TTC29: variants seen among roughly 807,000 people sequenced by gnomAD.
The protein encoded by TTC29 is tetratricopeptide repeat domain 29.
In TTC29, 49 loss-of-function variants were observed where a neutral mutation model predicts 58.1. The observed-to-expected ratio is 0.84, with a 90% CI of 0.67 to 1.07. The LOEUF (loss-of-function observed/expected upper bound fraction) is 1.07, where lower values mean the gene tolerates loss of function less well. Among genes scored for constraint, TTC29 ranks in the 50% least tolerant of loss-of-function variants. The probability of loss-of-function intolerance (pLI) is 0.00; values close to 1 mark genes in which losing one functional copy is unlikely to be tolerated. For missense variants in TTC29, 582 were observed against 555.6 expected (o/e 1.05, Z -0.48); for synonymous variants, 209 against 196.8 (o/e 1.06, Z -0.52).
At chr4:146,778,183 G>GTAAC (rs139814394) in intron 11 of TTC29, among the ~76,000 whole-genome samples, 8,622 of 151,774 alleles carry the variant, frequency 0.057, 834 homozygotes, top group African/African-American at 0.2. Context: ...TCCTGTTATT[G>GTAAC]TAACTTCTTA....
chr4:146,728,816 T>TGTGTATATAC (rs1561066484), intron 11 of TTC29, among the ~76,000 whole-genome samples: 2 of 46,078 alleles, frequency 4.3e-5, no homozygotes, highest in Non-Finnish European at 1.4e-4. Flanking sequence ...CATATATATG[T>TGTGTATATAC]GTATATATAC....
intron 2 of TTC29, among the ~76,000 whole-genome samples, chr4:146,943,637 ATG>A (rs1421071699): frequency 6.6e-6 from 1 of 152,204 alleles, no homozygotes; most frequent in Non-Finnish European, 1.5e-5. Context: ...ACAACAGATA[ATG>A]TGTGATCTGA....
intron 6 of TTC29, among the ~76,000 whole-genome samples, chr4:146,880,201 G>C (rs564784094): frequency 6.6e-6 from 1 of 152,202 alleles, no homozygotes; most frequent in South Asian, 2.1e-4. Context: ...CACAGCTTAG[G>C]AGAACACTGT....
chr4:146,925,937 C>G (rs1475161334), intron 4 of TTC29, among the ~76,000 whole-genome samples: 1 of 152,096 alleles, frequency 6.6e-6, no homozygotes, highest in Non-Finnish European at 1.5e-5. Flanking sequence ...TACTGCATTG[C>G]TTCTGCTTCT....
chr4:146,923,237 T>C (rs1734709008), intron 4 of TTC29, among the ~76,000 whole-genome samples: 1 of 151,828 alleles, frequency 6.6e-6, no homozygotes, highest in South Asian at 2.1e-4. Flanking sequence ...ATAAAAATTC[T>C]TTAGCCAATT....
Position 146,790,524 on chromosome 4 carries a change from A to T in TTC29, c.1330+12933T>A, listed in dbSNP as rs536107957. Among the ~76,000 whole-genome samples, 1,248 of 145,978 alleles carry T rather than the reference A, an allele frequency of 8.5e-3. 12 individuals are homozygous for T. The highest frequency in any genetic ancestry group is 0.028 in the South Asian group (127 of 4,606). On this transcript the variant is annotated intron_variant, in intron 11 of 12. Coordinates refer to ENST00000325106, the MANE Select transcript of TTC29 (RefSeq NM_031956.4). ...CACTTTCTATTTTCATACCTGCTTT[A>T]TTTTTTTTTTTGTAGCACTTACCAC...
rs577604967 is a variant in TTC29 at position 146,728,656 on chromosome 4, C to A, written c.1331-21105G>T. Among the ~76,000 whole-genome samples, 527 of 148,284 alleles carry A rather than the reference C, an allele frequency of 3.6e-3. 6 individuals carry two copies. The highest frequency in any genetic ancestry group is 7.3e-3 in the African/African-American group (297 of 40,550). ...TACTTTTACTACTACTACTCTCTCT[C>A]TCTCTATATATATACACATATATGA... is the stretch of plus-strand genomic sequence containing the variant. On this transcript the variant is annotated intron_variant, in intron 11 of 12. Coordinates refer to ENST00000325106, the MANE Select transcript of TTC29 (RefSeq NM_031956.4).
chr4:146,777,390 T>C (rs1232655217), intron 11 of TTC29, among the ~76,000 whole-genome samples: 1 of 149,242 alleles, frequency 6.7e-6, no homozygotes, highest in Non-Finnish European at 1.5e-5. Flanking sequence ...TACGTTGACT[T>C]TTTTTTTTTA....
intron 11 of TTC29, among the ~76,000 whole-genome samples, chr4:146,745,002 T>C (rs542944521): frequency 9.2e-5 from 14 of 152,340 alleles, no homozygotes; most frequent in African/African-American, 3.4e-4. Flanking sequence ...TCATCATCAA[T>C]AGTCCACTTA....
intron 11 of TTC29, among the ~76,000 whole-genome samples, chr4:146,737,850 C>T (rs1012726072): frequency 2.6e-5 from 4 of 152,140 alleles, no homozygotes; most frequent in South Asian, 2.1e-4. Context: ...TTCCCTCCCC[C>T]CTGATGCAGT....
At chr4:146,870,529 G>C (rs1730862967) in intron 7 of TTC29, among the ~76,000 whole-genome samples, 1 of 151,698 alleles carries the variant, frequency 6.6e-6, no homozygotes, top group Non-Finnish European at 1.5e-5. Flanking sequence ...AAAAACCATA[G>C]TGAAAATCAA....
intron 2 of TTC29, among the ~76,000 whole-genome samples, chr4:146,942,273 CAAAGGGTCTACCCTTT>C (rs1736475302): frequency 6.6e-6 from 1 of 152,122 alleles, no homozygotes; most frequent in South Asian, 2.1e-4. Context: ...AATTGGAAAG[CAAAGGGTCTACCCTTT>C]AAAGGGTCTA....
chr4:146,916,665 G>A (rs963112712), intron 4 of TTC29, among the ~76,000 whole-genome samples: 3 of 151,274 alleles, frequency 2.0e-5, no homozygotes, highest in African/African-American at 4.8e-5. Flanking sequence ...GGTCTCTGGG[G>A]GCATCTACTG....
chr4:146,898,283 C>A (rs1477884965), intron 6 of TTC29, among the ~76,000 whole-genome samples: 1 of 152,166 alleles, frequency 6.6e-6, no homozygotes. Flanking sequence ...GGTCTGCCTT[C>A]CACTGCTGGG....
chr4:146,850,072 T>C (rs1052917133), intron 8 of TTC29, among the ~76,000 whole-genome samples: 7 of 152,216 alleles, frequency 4.6e-5, no homozygotes, highest in Admixed American at 2.6e-4. Context: ...CATTGTTAGT[T>C]TTCCCCAATG....
intron 5 of TTC29, among the ~76,000 whole-genome samples, chr4:146,906,099 G>A (rs1733504087): frequency 6.6e-6 from 1 of 151,716 alleles, no homozygotes; most frequent in Non-Finnish European, 1.5e-5. Context: ...AGCCCCATGG[G>A]GCATAAGGCT....
intron 8 of TTC29, among the ~76,000 whole-genome samples, chr4:146,858,095 A>G (rs756350611): frequency 2.6e-5 from 4 of 152,210 alleles, no homozygotes; most frequent in Non-Finnish European, 5.9e-5. Context: ...TGTAGTGATA[A>G]TGGTATCTTA....
chr4:146,736,473 C>G (rs1744716360), intron 11 of TTC29, among the ~76,000 whole-genome samples: 1 of 152,106 alleles, frequency 6.6e-6, no homozygotes, highest in African/African-American at 2.4e-5. Flanking sequence ...GTAAATCTGC[C>G]TTTCAAGCAA....
rs529523333 is a variant in TTC29 at position 146,928,837 on chromosome 4, C to T, written c.176+8757G>A. ...ACAGAGCACAACAGCCTTGAGTGAT[C>T]CTTTTAAAATAAAGTGATATCATAT... On this transcript the variant is annotated intron_variant, in intron 4 of 12. Transcript: ENST00000325106. 3.9e-5 allele frequency among the ~76,000 whole-genome samples: 6 copies of T among 152,240 alleles called. No homozygotes were observed. The East Asian group carries it at 9.6e-4, about 24-fold the overall frequency.
Sources: gnomAD v4.1 joint callset for allele counts (sites outside exome capture counted in the v4.1 genomes callset) on GRCh38, gnomAD v4.1.1 for gene constraint, MANE v1.5 for transcripts, NCBI Gene and HGNC (gene_info 2026-07-23, HGNC 2026-07-21) for gene names.